PLA2G2F: variants seen among roughly 807,000 people sequenced by gnomAD.
PLA2G2F encodes group IIF secretory phospholipase A2.
In PLA2G2F, 17 loss-of-function variants were observed where a neutral mutation model predicts 15.9. The ratio of observed to expected loss-of-function variants is 1.07; its 90% CI spans 0.73 to 1.60. The LOEUF (loss-of-function observed/expected upper bound fraction) is 1.60, where lower values mean the gene tolerates loss of function less well. Ranked by LOEUF, PLA2G2F falls within the 40% of genes most tolerant of loss-of-function variation. The probability of loss-of-function intolerance (pLI) is 0.00; values close to 1 mark genes in which losing one functional copy is unlikely to be tolerated. For synonymous variants in PLA2G2F, 119 were observed against 106.5 expected, an observed-to-expected ratio of 1.12 and a Z score of -0.72; for missense variants, 299 against 278.2, an observed-to-expected ratio of 1.07 and a Z score of -0.53.
chr1:20,148,815 C>T lies in PLA2G2F; in HGVS notation c.*414C>T. ...GGCCCAGAGCTGGATGCATCCTCGG[C>T]CCAAGATCACAGGAAGGCAGATTGC... On this transcript the variant is annotated 3_prime_UTR_variant, in exon 5 of 5. Transcript: ENST00000375102. The T allele has an allele frequency of 5.5e-6, 1 of 182,278 alleles. No homozygotes were observed. Among genetic ancestry groups the T allele is most frequent in the Admixed American group, 5.4e-5 (1 of 18,538 alleles). 11.3% of individuals were successfully genotyped at this position (182,278 alleles called of 1,614,324 possible). A position where few individuals can be genotyped will look rare whatever the true frequency, so the allele number is the denominator to read the frequency against.
intron 3 of PLA2G2F, chr1:20,144,133 C>T (rs946642251): frequency 1.0e-5 from 2 of 192,714 alleles, no homozygotes; most frequent in Non-Finnish European, 1.1e-5. Context: ...GTTTCTTGTT[C>T]GCCATCCTAC....
At chr1:20,147,605 C>T (rs937586513) in intron 4 of PLA2G2F, among the ~76,000 whole-genome samples, 6 of 152,224 alleles carry the variant, frequency 3.9e-5, no homozygotes, top group African/African-American at 1.4e-4. Flanking sequence ...TCCACCACCA[C>T]GCCTGGCTAA....
intron 4 of PLA2G2F, among the ~76,000 whole-genome samples, chr1:20,146,601 GC>G (rs1346812909): frequency 7.2e-5 from 11 of 152,196 alleles, no homozygotes; most frequent in Non-Finnish European, 7.3e-5. Context: ...GGCCCTCTTT[GC>G]CCCCATGTCT....
chr1:20,144,785 A>C, intron 4 of PLA2G2F, 96 bp downstream of exon 4: 1 of 1,103,350 alleles, frequency 9.1e-7, no homozygotes, highest in Non-Finnish European at 1.3e-6. Context: ...CAGATTAAAT[A>C]CAGGCTGCCA....
intron 4 of PLA2G2F, among the ~76,000 whole-genome samples, chr1:20,145,319 G>A: frequency 7.0e-6 from 1 of 142,950 alleles, no homozygotes; most frequent in East Asian, 2.0e-4. Flanking sequence ...GTCTCTCTCT[G>A]TCGCAAGGCT....
chr1:20,148,221 G>A lies in PLA2G2F; in HGVS notation c.456G>A (p.Gln152=), dbSNP rs773887712. 6.2e-7 allele frequency: 1 copy of A among 1,614,048 alleles called. No individual in the cohort carries two copies. Among genetic ancestry groups the A allele is most frequent in the Admixed American group, 1.7e-5 (1 of 60,022 alleles). Reference sequence around the variant, plus strand: ...TCAACAAGACAGAGTGTGACAAGCAGACATGCATGTGTGACAAGAACATGG... The same window carrying A: ...TCAACAAGACAGAGTGTGACAAGCAAACATGCATGTGTGACAAGAACATGG... ...SDLNKTECDK[Q]TCMCDKNMVL... is the part of the protein sequence containing the mutation. The change falls in exon 5 of 5, where the codon CAG becomes CAA. Residue 152 remains glutamine, a synonymous_variant. Transcript: ENST00000375102.
intron 2 of PLA2G2F, chr1:20,140,828 G>C (rs1395854996): frequency 1.3e-5 from 2 of 152,422 alleles, no homozygotes; most frequent in African/African-American, 2.4e-5. Flanking sequence ...TGGTACCCAG[G>C]GCATCATGGC....
intron 2 of PLA2G2F, chr1:20,142,725 C>A (rs2017502578): frequency 1.3e-5 from 2 of 152,304 alleles, no homozygotes; most frequent in Non-Finnish European, 2.9e-5. Context: ...AATACGAAGC[C>A]TTTTCTGTTT....
At position 20,150,067 on chromosome 1, in the gene PLA2G2F, G is replaced by A. The variant is rs1038534997; in HGVS notation, c.*1666G>A. 40 of 152,374 alleles carry A rather than the reference G, an allele frequency of 2.6e-4. No homozygotes were observed. Among genetic ancestry groups the A allele is most frequent in the African/African-American group, 9.2e-4 (38 of 41,454 alleles). 9.4% of individuals were successfully genotyped at this position (152,374 alleles called of 1,614,324 possible). A position where few individuals can be genotyped will look rare whatever the true frequency, so the allele number is the denominator to read the frequency against. On this transcript the variant is annotated 3_prime_UTR_variant, in exon 5 of 5. Transcript: ENST00000375102. ...CCAGAGCCCCAGCCTTGGAGACAAG[G>A]ACACTGCCACCCAGCGCCACAGTCA...
chr1:20,144,142 A>G (rs2017536177), intron 3 of PLA2G2F: 2 of 198,592 alleles, frequency 1.0e-5, no homozygotes, highest in African/African-American at 4.7e-5. Flanking sequence ...TCGCCATCCT[A>G]CCAGTCCCTG....
intron 3 of PLA2G2F, 131 bp from the exon 4 acceptor site, chr1:20,144,449 A>G: frequency 2.9e-6 from 2 of 688,284 alleles, no homozygotes. Context: ...TCAGACAAGT[A>G]ACTGTCCCTC....
In PLA2G2F at chr1:20,148,166, C is replaced by A. The variant is rs779040029; in HGVS notation, c.425-24C>A. The A allele has an allele frequency of 5.0e-6, 8 of 1,603,948 alleles. No individual in the cohort carries two copies. In the South Asian group the frequency reaches 8.8e-5, roughly 18 times the overall value. ...AGCTGCTGCCCCTTTCATCCACAGC[C>A]TTTGCCACCCCATCCCCCTGTAGGT... On this transcript the variant is annotated intron_variant, in intron 4 of 4. Transcript: ENST00000375102.
intron 1 of PLA2G2F, 102 bp downstream of exon 1, chr1:20,139,645 G>T (rs1420118362): frequency 1.1e-6 from 1 of 886,336 alleles, no homozygotes; most frequent in South Asian, 1.8e-5. Context: ...TCCACGTGGT[G>T]GGCAGAACCC....
rs2017685561 is a variant in PLA2G2F, at chr1:20,149,449, G to A, written c.*1048G>A. 6.6e-6 allele frequency: 1 copy of A among 152,308 alleles called. No homozygotes were observed. Among genetic ancestry groups the A allele is most frequent in the Admixed American group, 6.5e-5 (1 of 15,284 alleles). 9.4% of individuals were successfully genotyped at this position (152,308 alleles called of 1,614,324 possible). A position where few individuals can be genotyped will look rare whatever the true frequency, so the allele number is the denominator to read the frequency against. On this transcript the variant is annotated 3_prime_UTR_variant, in exon 5 of 5. Transcript: ENST00000375102. ...GCAGGCGTCACAAGTCCCATTGGTG[G>A]GGAAGAGGCTGAGGGCTGAGACCCA...
At chr1:20,144,948 G>A (rs561321669) in intron 4 of PLA2G2F, among the ~76,000 whole-genome samples, 2 of 152,330 alleles carry the variant, frequency 1.3e-5, no homozygotes, top group South Asian at 2.1e-4. Context: ...TTGGTGGCAT[G>A]TGCCAGTAAT....
intron 4 of PLA2G2F, among the ~76,000 whole-genome samples, chr1:20,146,558 A>G (rs1569901664): frequency 6.6e-6 from 1 of 150,844 alleles, no homozygotes; most frequent in South Asian, 2.1e-4. Flanking sequence ...CTGGGAGAGG[A>G]CTCCCCCTGG....
chr1:20,140,708 G>T, intron 2 of PLA2G2F: 1 of 162,950 alleles, frequency 6.1e-6, no homozygotes. Context: ...TGTGTCTTCA[G>T]AGCATGCTTA....
At chr1:20,140,322 T>C in intron 2 of PLA2G2F, 104 bp downstream of exon 2, 4 of 1,266,940 alleles carry the variant, frequency 3.2e-6, no homozygotes, top group Non-Finnish European at 4.4e-6. Context: ...CCTAGGTTCC[T>C]TCCTGTCTCT....
chr1:20,146,210 C>T (rs2017601368), intron 4 of PLA2G2F, among the ~76,000 whole-genome samples: 1 of 152,212 alleles, frequency 6.6e-6, no homozygotes, highest in South Asian at 2.1e-4. Flanking sequence ...TGGGTTTGAA[C>T]TCTGGTTCTG....
Sources: allele counts gnomAD v4.1 joint callset (sites outside exome capture counted in the v4.1 genomes callset), GRCh38; gene constraint gnomAD v4.1.1; transcripts MANE v1.5; gene names NCBI Gene and HGNC (gene_info 2026-07-23, HGNC 2026-07-21).